The following CROT variants were observed in gnomAD, a reference collection of about 807,000 sequenced individuals.
CROT encodes the protein peroxisomal carnitine O-octanoyltransferase.
Under a neutral mutation model 89.2 loss-of-function variants are expected in CROT, and 84 were observed. The observed-to-expected ratio is 0.94, with a 90% CI of 0.79 to 1.13. The LOEUF (loss-of-function observed/expected upper bound fraction) is 1.13. CROT is among the 50% of genes most tolerant of loss of function. CROT has a pLI of 0.00. For synonymous variants in CROT, 212 were observed against 239.5 expected (o/e 0.89, Z 1.06); for missense variants, 711 against 727.8 (o/e 0.98, Z 0.27).
chr7:87,364,487 CAA>C (rs756838974), intron 6 of CROT, among the ~76,000 whole-genome samples: 1 of 152,100 alleles, frequency 6.6e-6, no homozygotes, highest in Admixed American at 6.5e-5. Flanking sequence ...TTGCCCTTGA[CAA>C]GAGCAGTTTT....
intron 13 of CROT, 52 bp downstream of exon 13, chr7:87,382,595 C>T: frequency 1.3e-6 from 2 of 1,538,764 alleles, no homozygotes; most frequent in Non-Finnish European, 1.7e-6. Context: ...AAGGGTATAT[C>T]TTTTTTTATA....
intron 13 of CROT, among the ~76,000 whole-genome samples, chr7:87,384,905 TG>T (rs1807141525): frequency 6.6e-6 from 1 of 152,204 alleles, no homozygotes. Context: ...TAAGAGATAG[TG>T]GTCCAGTTTC....
rs781545521 is a variant in CROT, at chr7:87,375,727, T to G, written c.750+2T>G. On this transcript the variant is annotated splice_donor_variant, in intron 8 of 17. Coordinates refer to ENST00000331536, the MANE Select transcript of CROT (RefSeq NM_021151.4). LOFTEE classifies it high-confidence loss of function. ...GAGGAGCGAACTCGATGGGCTAAGG[T>G]TCTGATTTACACTTTTCTTAACGAA... 1 of 1,613,310 alleles carries G rather than the reference T, an allele frequency of 6.2e-7. No individual in the cohort carries two copies. The highest frequency in any genetic ancestry group is 1.1e-5 in the South Asian group (1 of 91,038).
intron 6 of CROT, among the ~76,000 whole-genome samples, chr7:87,365,445 A>T (rs1238434033): frequency 6.6e-6 from 1 of 151,426 alleles, no homozygotes; most frequent in Non-Finnish European, 1.5e-5. Flanking sequence ...AGCCGAGATC[A>T]TGCCACTGCA....
chr7:87,352,121 C>A (rs889213333), intron 3 of CROT, among the ~76,000 whole-genome samples: 1 of 152,198 alleles, frequency 6.6e-6, no homozygotes, highest in Non-Finnish European at 1.5e-5. Context: ...TCCCTGCTTC[C>A]CCTCATGGCC....
intron 3 of CROT, chr7:87,354,318 T>C (rs1240607063): frequency 3.9e-6 from 2 of 510,076 alleles, no homozygotes; most frequent in African/African-American, 3.9e-5. Context: ...AGAAAAATTC[T>C]GCAGTGTGAC....
intron 14 of CROT, 114 bp from the exon 15 acceptor site, chr7:87,392,452 A>G (rs1807393541): frequency 6.5e-6 from 5 of 768,838 alleles, no homozygotes; most frequent in South Asian, 1.6e-5. Flanking sequence ...AGATCTTCCT[A>G]GAAATCTTTC....
chr7:87,394,093 T>C (rs1350451252), intron 17 of CROT, among the ~76,000 whole-genome samples: 1 of 152,164 alleles, frequency 6.6e-6, no homozygotes, highest in African/African-American at 2.4e-5. Flanking sequence ...TATGGTGCCA[T>C]TTGCAGTCAA....
intron 13 of CROT, among the ~76,000 whole-genome samples, chr7:87,389,073 A>T (rs1163288300): frequency 6.6e-6 from 1 of 152,252 alleles, no homozygotes; most frequent in Non-Finnish European, 1.5e-5. Flanking sequence ...TCACAATGAG[A>T]TACCATCTTA....
chr7:87,371,812 G>T (rs573463153), intron 7 of CROT, among the ~76,000 whole-genome samples: 1 of 151,972 alleles, frequency 6.6e-6, no homozygotes, highest in African/African-American at 2.4e-5. Context: ...GCAACATAGG[G>T]GGACCCTGTC....
At chr7:87,350,242 A>T (rs925794831) in intron 3 of CROT, among the ~76,000 whole-genome samples, 7 of 152,126 alleles carry the variant, frequency 4.6e-5, no homozygotes, top group African/African-American at 1.7e-4. Flanking sequence ...ATATTATGGC[A>T]GTAATCAGGA....
Position 87,375,836 on chromosome 7 carries a change from A to G in CROT, c.759A>G (p.Glu253=), listed in dbSNP as rs370233233. The change falls in exon 9 of 18, where the codon GAA becomes GAG. Residue 253 remains glutamate, a synonymous_variant. Coordinates refer to ENST00000331536, the MANE Select transcript of CROT (RefSeq NM_021151.4). ...ATCTCCTTGCCCTTTAGGCACGAGA[A>G]TATCTGATTGGTCTTGATCCAGAGA... ...EERTRWAKAR[E]YLIGLDPENL... 1.9e-6 allele frequency: 3 copies of G among 1,613,390 alleles called. No homozygotes were observed. In the African/African-American group the frequency reaches 4.0e-5, roughly 22 times the overall value.
intron 17 of CROT, among the ~76,000 whole-genome samples, chr7:87,396,003 A>C (rs1035439848): frequency 6.6e-6 from 1 of 152,226 alleles, no homozygotes; most frequent in Non-Finnish European, 1.5e-5. Flanking sequence ...AGCCCAAAAC[A>C]ATAAATTTCT....
At chr7:87,350,313 A>G (rs1418764781) in intron 3 of CROT, among the ~76,000 whole-genome samples, 2 of 152,204 alleles carry the variant, frequency 1.3e-5, no homozygotes, top group East Asian at 3.9e-4. Flanking sequence ...TAAAGAATGT[A>G]TAAAGCCATA....
chr7:87,368,252 T>C (rs1806512878), intron 6 of CROT, among the ~76,000 whole-genome samples: 1 of 152,246 alleles, frequency 6.6e-6, no homozygotes, highest in Non-Finnish European at 1.5e-5. Flanking sequence ...GCCAGGTTTA[T>C]TGTGAGGTAG....
chr7:87,361,995 A>G lies in CROT; in HGVS notation c.547+143A>G, dbSNP rs1045206436. ...GGTTTTCTGTGAGCCTTATATTTGAATCATTCTGATTAGATGTAATTTATG... is the reference window on the plus strand; with the variant it reads ...GGTTTTCTGTGAGCCTTATATTTGAGTCATTCTGATTAGATGTAATTTATG... On this transcript the variant is annotated intron_variant, in intron 6 of 17. Coordinates refer to ENST00000331536, the MANE Select transcript of CROT (RefSeq NM_021151.4). The G allele has an allele frequency of 7.2e-6, 5 of 697,036 alleles. No individual in the cohort carries two copies. In the South Asian group the frequency reaches 1.3e-4, roughly 17 times the overall value. 43.2% of individuals were successfully genotyped at this position (697,036 alleles called of 1,614,324 possible).
chr7:87,375,970 T>TA lies in CROT; in HGVS notation c.876+17_876+18insA. ...TATTCTGAGGTACTTAACTACCTTC[T>TA]CTTTTTTTTTTTATTGCAGATTTTT... On this transcript the variant is annotated intron_variant, in intron 9 of 17. Transcript: ENST00000331536. The TA allele has an allele frequency of 6.9e-7, 1 of 1,454,258 alleles. No homozygotes were observed. The highest frequency in any genetic ancestry group is 1.3e-5 in the South Asian group (1 of 75,534). The allele number at this position is 1,454,258 out of a possible 1,614,324, so 90.1% of individuals were successfully genotyped here.
intron 3 of CROT, among the ~76,000 whole-genome samples, chr7:87,352,283 T>G (rs1805893838): frequency 6.6e-6 from 1 of 152,200 alleles, no homozygotes; most frequent in Non-Finnish European, 1.5e-5. Flanking sequence ...CAAGCTCTTA[T>G]TTTGTCCAGT....
intron 17 of CROT, among the ~76,000 whole-genome samples, chr7:87,394,536 ATC>A (rs940728256): frequency 5.1e-5 from 7 of 138,046 alleles, no homozygotes; most frequent in Non-Finnish European, 9.2e-5. Flanking sequence ...ACATAAATAA[ATC>A]TAGTATAAGT....
Sources: gnomAD v4.1 joint callset for allele counts (sites outside exome capture counted in the v4.1 genomes callset) on GRCh38, gnomAD v4.1.1 for gene constraint, MANE v1.5 for transcripts, NCBI Gene and HGNC (gene_info 2026-07-23, HGNC 2026-07-21) for gene names.